Variants in SVOP observed in about 807,000 individuals in gnomAD.
SVOP encodes SV2 related protein.
In SVOP, 17 loss-of-function variants were observed where a neutral mutation model predicts 69.1. That is an observed-to-expected ratio of 0.25 (90% CI 0.17 to 0.37). SVOP has a LOEUF of 0.37. Among genes scored for constraint, SVOP ranks in the 10% least tolerant of loss-of-function variants. The probability of loss-of-function intolerance (pLI) is 1.00; values close to 1 mark genes in which losing one functional copy is unlikely to be tolerated. For synonymous variants in SVOP, 238 were observed against 238.6 expected, an observed-to-expected ratio of 1.00 and a Z score of 0.02; for missense variants, 435 against 597.5, an observed-to-expected ratio of 0.73 and a Z score of 2.84.
chr12:108,994,332 A>G (rs572463799), intron 1 of SVOP, among the ~76,000 whole-genome samples: 4 of 152,220 alleles, frequency 2.6e-5, no homozygotes, highest in Non-Finnish European at 2.9e-5. Context: ...CGTCTTTACT[A>G]AAAATACAAA....
At position 108,912,099 on chromosome 12, in the gene SVOP, A is replaced by G. The variant is rs7980646; in HGVS notation, c.*436T>C. ...TCAAAGAAGAAAGCCTGGGGCTGTGAGTGTGGGAGAAACCTACTGAACAGG... is the reference window on the plus strand; with the variant it reads ...TCAAAGAAGAAAGCCTGGGGCTGTGGGTGTGGGAGAAACCTACTGAACAGG... On this transcript the variant is annotated 3_prime_UTR_variant, in exon 16 of 16. Coordinates refer to ENST00000610966, the MANE Select transcript of SVOP (RefSeq NM_018711.5). 811,441 of 818,674 alleles carry G rather than the reference A, an allele frequency of 0.99. 402,146 individuals carry two copies. Among genetic ancestry groups the G allele is most frequent in the East Asian group, 1 (8,635 of 8,638 alleles). 50.7% of individuals were successfully genotyped at this position (818,674 alleles called of 1,614,324 possible). A position where few individuals can be genotyped will look rare whatever the true frequency, so the allele number is the denominator to read the frequency against.
chr12:108,918,348 C>T lies in SVOP; in HGVS notation c.1269-224G>A, dbSNP rs1593176008. ...AAAGTAACAGGCTGAGAGATGGGAA[C>T]ACCTGTGGTGCCCAGGATGGGCACA... is the stretch of plus-strand genomic sequence containing the variant. On this transcript the variant is annotated intron_variant, in intron 13 of 15. Coordinates refer to ENST00000610966, the MANE Select transcript of SVOP (RefSeq NM_018711.5). Among the ~76,000 whole-genome samples, 3 of 152,186 alleles carry T rather than the reference C, an allele frequency of 2.0e-5. No homozygotes were observed. The South Asian group carries it at 6.2e-4, about 31-fold the overall frequency.
At chr12:108,980,267 A>G (rs2040128503) in intron 2 of SVOP, among the ~76,000 whole-genome samples, 1 of 152,206 alleles carries the variant, frequency 6.6e-6, no homozygotes, top group South Asian at 2.1e-4. Context: ...GAATAGCACA[A>G]TTGCAATGAC....
At chr12:108,977,713 G>A (rs552713972) in intron 3 of SVOP, among the ~76,000 whole-genome samples, 42 of 152,244 alleles carry the variant, frequency 2.8e-4, no homozygotes, top group Admixed American at 6.5e-4. Flanking sequence ...TATTATTTTC[G>A]TGTGTGGTTT....
chr12:108,915,911 A>C, intron 14 of SVOP, 39 bp from the exon 15 acceptor site: 1 of 1,522,704 alleles, frequency 6.6e-7, no homozygotes, highest in Non-Finnish European at 8.8e-7. Flanking sequence ...GGGGACATGC[A>C]GGTTCCTCCC....
Position 109,014,590 on chromosome 12 carries a change from T to C in SVOP, c.35+6244A>G, listed in dbSNP as rs559469857. Among the ~76,000 whole-genome samples, 7 of 152,322 alleles carry C rather than the reference T, an allele frequency of 4.6e-5. No individual in the cohort carries two copies. In the South Asian group the frequency reaches 6.2e-4, roughly 14 times the overall value. On this transcript the variant is annotated intron_variant, in intron 1 of 15. Transcript: ENST00000610966. ...AATTACTGGGTCACATGGCATTATT[T>C]TTATTTTTACATTTGAGGAACTGCC...
intron 1 of SVOP, among the ~76,000 whole-genome samples, chr12:109,009,848 T>C (rs2040331096): frequency 6.6e-6 from 1 of 152,180 alleles, no homozygotes; most frequent in Non-Finnish European, 1.5e-5. Context: ...GAAATGCTGC[T>C]AAACATCCTA....
At position 108,912,649 on chromosome 12, in the gene SVOP, C is replaced by A; in HGVS notation, c.1533G>T (p.Glu511Asp). The A allele has an allele frequency of 6.2e-7, 1 of 1,613,970 alleles. No individual in the cohort carries two copies. Among genetic ancestry groups the A allele is most frequent in the East Asian group, 2.2e-5 (1 of 44,880 alleles). ...ACTCCTGCAGTCCTCGGCCTTTGGT[C>A]TCAATGGGCAAAAAGCAGGAGGCCA... is the stretch of plus-strand genomic sequence containing the variant. ...AALASCFLPIETKGRGLQESS... is the reference protein window; with the variant it reads ...AALASCFLPIDTKGRGLQESS... Residue 511 changes from glutamate (E) to aspartate (D), a missense_variant, in exon 16 of 16, where the codon GAG (glutamate) becomes GAT (aspartate). Glu to Asp is a conservative substitution (Grantham distance 45, BLOSUM62 2). Transcript: ENST00000610966.
At chr12:109,003,439 CAG>C (rs2040285390) in intron 1 of SVOP, among the ~76,000 whole-genome samples, 1 of 152,194 alleles carries the variant, frequency 6.6e-6, no homozygotes, top group African/African-American at 2.4e-5. Context: ...AGCCAGCTTG[CAG>C]ACGGTTGTGA....
intron 10 of SVOP, 181 bp downstream of exon 10, chr12:108,937,083 T>C: frequency 1.6e-6 from 1 of 626,914 alleles, no homozygotes; most frequent in South Asian, 1.9e-5. Context: ...ATGAAGGAAA[T>C]GATAGTACGT....
At chr12:109,001,731 G>C (rs1399490309) in intron 1 of SVOP, among the ~76,000 whole-genome samples, 1 of 148,376 alleles carries the variant, frequency 6.7e-6, no homozygotes, top group Non-Finnish European at 1.5e-5. Context: ...TTTAATAAAT[G>C]GTGCTGGGAA....
chr12:108,971,383 C>T (rs150025969), intron 5 of SVOP, among the ~76,000 whole-genome samples: 9,302 of 148,206 alleles, frequency 0.063, 997 homozygotes, highest in African/African-American at 0.22. Context: ...GAGCCAAGAT[C>T]GTGCGATTGC....
In SVOP at chr12:108,968,824, C is replaced by T. The variant is rs553643110; in HGVS notation, c.453+3581G>A. Among the ~76,000 whole-genome samples the T allele has an allele frequency of 4.0e-5, 6 of 151,814 alleles. No homozygotes were observed. In the South Asian group the frequency reaches 1.0e-3, roughly 26 times the overall value. Reference sequence around the variant, plus strand: ...GAATTTTTTTTTCCAGACAGAGTCTCGCTCTGTTGCCCAGGCTGGAGTGTA... The same window carrying T: ...GAATTTTTTTTTCCAGACAGAGTCTTGCTCTGTTGCCCAGGCTGGAGTGTA... On this transcript the variant is annotated intron_variant, in intron 5 of 15. Transcript: ENST00000610966.
intron 6 of SVOP, among the ~76,000 whole-genome samples, chr12:108,946,077 G>C (rs1387921309): frequency 6.6e-6 from 1 of 152,138 alleles, no homozygotes; most frequent in Non-Finnish European, 1.5e-5. Flanking sequence ...CCACTGTGAT[G>C]GTAACAAATG....
At chr12:108,944,269 C>G (rs2039910198) in intron 7 of SVOP, among the ~76,000 whole-genome samples, 1 of 151,996 alleles carries the variant, frequency 6.6e-6, no homozygotes, top group South Asian at 2.1e-4. Flanking sequence ...CCTCAAACTC[C>G]TGGCCTCAAG....
intron 2 of SVOP, 100 bp downstream of exon 2, chr12:108,983,501 C>T: frequency 2.5e-6 from 1 of 398,424 alleles, no homozygotes; most frequent in Non-Finnish European, 4.4e-6. Context: ...CCCCTGGGCC[C>T]TCCCAACTGC....
intron 1 of SVOP, among the ~76,000 whole-genome samples, chr12:109,003,011 A>T (rs2040282462): frequency 1.5e-4 from 2 of 13,782 alleles, no homozygotes; most frequent in Non-Finnish European, 7.9e-3. Context: ...ATAAAAATAA[A>T]AATAAAAAAA....
chr12:109,016,486 T>C (rs987065114), intron 1 of SVOP, among the ~76,000 whole-genome samples: 10 of 152,216 alleles, frequency 6.6e-5, no homozygotes, highest in African/African-American at 2.2e-4. Context: ...CTACTCCCTG[T>C]TATCCTCAGC....
At chr12:109,003,605 C>A (rs1156321813) in intron 1 of SVOP, among the ~76,000 whole-genome samples, 2 of 152,156 alleles carry the variant, frequency 1.3e-5, no homozygotes, top group African/African-American at 2.4e-5. Flanking sequence ...TAGCTCCCTG[C>A]AGTTTTATTT....
Sources: allele counts gnomAD v4.1 joint callset (sites outside exome capture counted in the v4.1 genomes callset), GRCh38; gene constraint gnomAD v4.1.1; transcripts MANE v1.5; gene names NCBI Gene and HGNC (gene_info 2026-07-23, HGNC 2026-07-21).